Variants in TSPAN5 observed in about 807,000 individuals in gnomAD.
TSPAN5 encodes tetraspanin 5.
Under a neutral mutation model 37.1 loss-of-function variants are expected in TSPAN5, and 10 were observed. The observed-to-expected ratio is 0.27, with a 90% confidence interval of 0.17 to 0.46. The LOEUF is 0.46. Among genes scored for constraint, TSPAN5 ranks in the 20% least tolerant of loss-of-function variants. TSPAN5 has a pLI of 1.00. For synonymous variants in TSPAN5, 110 were observed against 118.9 expected (o/e 0.93, Z 0.48); for missense variants, 195 against 326.6 (o/e 0.60, Z 3.11).
intron 1 of TSPAN5, among the ~76,000 whole-genome samples, chr4:98,507,992 T>C (rs1753515525): frequency 6.6e-6 from 1 of 152,212 alleles, no homozygotes; most frequent in African/African-American, 2.4e-5. Context: ...CTGAGTACAC[T>C]GAAATTATCA....
intron 5 of TSPAN5, 49 bp downstream of exon 5, chr4:98,478,636 C>T (rs377359979): frequency 6.2e-7 from 1 of 1,612,136 alleles, no homozygotes; most frequent in Admixed American, 1.7e-5. Context: ...CATGCACACT[C>T]TCGGCATGAT....
rs150460323 is a variant in TSPAN5 at position 98,543,034 on chromosome 4, C to A, written c.82-35306G>T. 1.9e-3 allele frequency among the ~76,000 whole-genome samples: 284 copies of A among 152,222 alleles called. 1 individual carries two copies. The highest frequency in any genetic ancestry group is 3.1e-3 in the Admixed American group (47 of 15,288). On this transcript the variant is annotated intron_variant, in intron 1 of 7. Coordinates refer to ENST00000305798, the MANE Select transcript of TSPAN5 (RefSeq NM_005723.4). Reference sequence around the variant, plus strand: ...TCAAAATATTACAGCAAGTGACATACCACTGGGGGAAAAATATCAGAGTCT... The same window carrying A: ...TCAAAATATTACAGCAAGTGACATAACACTGGGGGAAAAATATCAGAGTCT...
chr4:98,578,465 G>A (rs62323629), intron 1 of TSPAN5, among the ~76,000 whole-genome samples: 13,714 of 151,884 alleles, frequency 0.09, 732 homozygotes, highest in South Asian at 0.21. Flanking sequence ...TTGCTCTGTC[G>A]CCCAGGCTGG....
At chr4:98,577,553 G>A (rs940558761) in intron 1 of TSPAN5, among the ~76,000 whole-genome samples, 4 of 152,168 alleles carry the variant, frequency 2.6e-5, no homozygotes, top group African/African-American at 4.8e-5. Context: ...ATCAGGGTCC[G>A]TTTATTTTGG....
chr4:98,645,070 A>G lies in TSPAN5; in HGVS notation c.81+13076T>C, dbSNP rs949297929. The stretch of plus-strand genomic sequence containing the variant: ...TGGTGACTTGGGGTACCAGAAGAGA[A>G]GTTTTAGAACGTGGCATTAAATATC... On this transcript the variant is annotated intron_variant, in intron 1 of 7. Transcript: ENST00000305798. 2.0e-5 allele frequency among the ~76,000 whole-genome samples: 3 copies of G among 152,198 alleles called. 1 individual carries two copies. Among genetic ancestry groups the G allele is most frequent in the Non-Finnish European group, 4.4e-5 (3 of 68,032 alleles).
At chr4:98,579,203 C>T (rs568289906) in intron 1 of TSPAN5, among the ~76,000 whole-genome samples, 7 of 152,188 alleles carry the variant, frequency 4.6e-5, no homozygotes, top group South Asian at 4.2e-4. Flanking sequence ...CCAGGCTGGC[C>T]GTCACGTTCT....
At chr4:98,501,411 T>C (rs1312976976) in intron 2 of TSPAN5, among the ~76,000 whole-genome samples, 1 of 152,236 alleles carries the variant, frequency 6.6e-6, no homozygotes, top group Admixed American at 6.5e-5. Flanking sequence ...CAATACCTCT[T>C]GAATACTTGC....
chr4:98,505,235 A>C (rs895474852), intron 2 of TSPAN5, among the ~76,000 whole-genome samples: 1 of 152,164 alleles, frequency 6.6e-6, no homozygotes, highest in South Asian at 2.1e-4. Context: ...GATCTTAAAA[A>C]AAAAGTCATA....
At chr4:98,604,048 C>T (rs1424873395) in intron 1 of TSPAN5, among the ~76,000 whole-genome samples, 1 of 152,076 alleles carries the variant, frequency 6.6e-6, no homozygotes, top group Non-Finnish European at 1.5e-5. Flanking sequence ...CTTACTGAAC[C>T]TCTGGAGTGT....
chr4:98,520,796 G>A (rs1327783477), intron 1 of TSPAN5, among the ~76,000 whole-genome samples: 1 of 152,206 alleles, frequency 6.6e-6, no homozygotes, highest in African/African-American at 2.4e-5. Flanking sequence ...TAACGCTGCA[G>A]TTATGGCTGT....
chr4:98,518,094 C>A (rs1170615072), intron 1 of TSPAN5, among the ~76,000 whole-genome samples: 2 of 132,708 alleles, frequency 1.5e-5, no homozygotes, highest in South Asian at 4.9e-4. Flanking sequence ...AACATCTTGA[C>A]TTTTTTTTTT....
At chr4:98,555,384 AC>A (rs1382989634) in intron 1 of TSPAN5, among the ~76,000 whole-genome samples, 2 of 151,996 alleles carry the variant, frequency 1.3e-5, no homozygotes, top group African/African-American at 2.4e-5. Flanking sequence ...AAGACAGGGT[AC>A]TCCTACCCTA....
chr4:98,603,179 T>C (rs1324734738), intron 1 of TSPAN5, among the ~76,000 whole-genome samples: 1 of 152,230 alleles, frequency 6.6e-6, no homozygotes, highest in African/African-American at 2.4e-5. Context: ...ATGTCATTTG[T>C]AGACTGCATA....
chr4:98,549,632 T>C (rs1754560532), intron 1 of TSPAN5, among the ~76,000 whole-genome samples: 1 of 152,074 alleles, frequency 6.6e-6, no homozygotes, highest in Admixed American at 6.6e-5. Context: ...TCTCTGATGA[T>C]TAGTGATGTT....
At chr4:98,498,847 C>T (rs575837619) in intron 2 of TSPAN5, among the ~76,000 whole-genome samples, 1 of 152,120 alleles carries the variant, frequency 6.6e-6, no homozygotes, top group Non-Finnish European at 1.5e-5. Flanking sequence ...GCTGGCTGCT[C>T]TGGTATCAGA....
chr4:98,645,746 T>C (rs1757052725), intron 1 of TSPAN5, among the ~76,000 whole-genome samples: 1 of 151,910 alleles, frequency 6.6e-6, no homozygotes, highest in South Asian at 2.1e-4. Context: ...CAACAGGGAG[T>C]CACAACCCAT....
Position 98,654,176 on chromosome 4 carries a change from C to T in TSPAN5, c.81+3970G>A, listed in dbSNP as rs576369219. ...GTCCAACTCCAACTACATCTCACCA[C>T]AACTGTATGAGACCCCAAGTGAGAA... On this transcript the variant is annotated intron_variant, in intron 1 of 7. Coordinates refer to ENST00000305798, the MANE Select transcript of TSPAN5 (RefSeq NM_005723.4). Among the ~76,000 whole-genome samples the T allele has an allele frequency of 1.8e-4, 27 of 152,356 alleles. 1 individual carries two copies. The South Asian group carries it at 5.4e-3, about 30-fold the overall frequency.
At chr4:98,639,129 T>C (rs1322840228) in intron 1 of TSPAN5, among the ~76,000 whole-genome samples, 3 of 152,156 alleles carry the variant, frequency 2.0e-5, no homozygotes, top group Admixed American at 6.5e-5. Context: ...GAGAAGTGTC[T>C]CCCAACAATT....
intron 1 of TSPAN5, among the ~76,000 whole-genome samples, chr4:98,562,490 A>G (rs1754900976): frequency 6.6e-6 from 1 of 152,076 alleles, no homozygotes. Context: ...GTGAAACCCC[A>G]TCTCTACTAA....
Sources: gnomAD v4.1 joint callset for allele counts (sites outside exome capture counted in the v4.1 genomes callset) on GRCh38, gnomAD v4.1.1 for gene constraint, MANE v1.5 for transcripts, NCBI Gene and HGNC (gene_info 2026-07-23, HGNC 2026-07-21) for gene names.